Variants in MCF2L observed in about 807,000 individuals in gnomAD.
MCF2L encodes the protein guanine nucleotide exchange factor DBS.
In MCF2L, 97 loss-of-function variants were observed where a neutral mutation model predicts 153.4. The ratio of observed to expected loss-of-function variants is 0.63; its 90% CI spans 0.54 to 0.75. MCF2L has a LOEUF of 0.75. MCF2L is among the 30% of genes least tolerant of loss of function. MCF2L has a pLI of 0.00. For missense variants in MCF2L, 1,347 were observed against 1,495.2 expected, an observed-to-expected ratio of 0.90 and a Z score of 1.64; for synonymous variants, 659 against 632.2, an observed-to-expected ratio of 1.04 and a Z score of -0.64.
At chr13:112,989,450 C>A (rs2082807941) in intron 1 of MCF2L, among the ~76,000 whole-genome samples, 1 of 48,124 alleles carries the variant, frequency 2.1e-5, no homozygotes. Flanking sequence ...CCCGAGTCCT[C>A]CCTGAGCAGG....
chr13:113,034,082 A>C (rs2085978392), intron 3 of MCF2L: 1 of 166,304 alleles, frequency 6.0e-6, no homozygotes, highest in Non-Finnish European at 1.5e-5. Flanking sequence ...TTTAAATGTA[A>C]AATGAAAGCA....
At chr13:113,060,031 C>G (rs542852650) in intron 4 of MCF2L, among the ~76,000 whole-genome samples, 2 of 152,202 alleles carry the variant, frequency 1.3e-5, no homozygotes, top group African/African-American at 4.8e-5. Context: ...CAGGTGTGGC[C>G]GGAGGGGGCT....
At chr13:113,089,937 G>A in intron 26 of MCF2L, 1 of 1,597,814 alleles carries the variant, frequency 6.3e-7, no homozygotes, top group Non-Finnish European at 8.5e-7. Flanking sequence ...GCATCAGCAA[G>A]GCCAGCCCCA....
chr13:112,989,258 G>A (rs202072614), intron 1 of MCF2L, among the ~76,000 whole-genome samples: 13 of 67,016 alleles, frequency 1.9e-4, no homozygotes, highest in South Asian at 5.2e-4. Context: ...TACCACGCCC[G>A]AGTCCTCCCT....
At chr13:113,095,628 T>C (rs114854050) in intron 27 of MCF2L, 2 of 991,724 alleles carry the variant, frequency 2.0e-6, no homozygotes, top group African/African-American at 1.8e-5. Context: ...TGAGAGCAGG[T>C]GGCCCAGTCA....
chr13:112,956,368 A>G (rs2081757502), intron 2 of MCF2L: 1 of 152,256 alleles, frequency 6.6e-6, no homozygotes, highest in African/African-American at 2.4e-5. Flanking sequence ...AAACATCAAG[A>G]AATATGGCCT....
At chr13:112,945,412 T>C (rs1428305074) in intron 2 of MCF2L, among the ~76,000 whole-genome samples, 3 of 152,244 alleles carry the variant, frequency 2.0e-5, no homozygotes, top group African/African-American at 7.2e-5. Context: ...CTGTACTTTC[T>C]GCCCAATTTT....
chr13:112,924,238 C>T (rs541458685), intron 2 of MCF2L, among the ~76,000 whole-genome samples: 3 of 152,192 alleles, frequency 2.0e-5, no homozygotes, highest in East Asian at 3.9e-4. Context: ...CACGATGTGT[C>T]GTCGTTAGAG....
chr13:113,066,151 A>G lies in MCF2L; in HGVS notation c.862A>G (p.Asn288Asp). Residue 288 changes from asparagine to aspartate, a missense_variant, in exon 8 of 30, where the codon AAC becomes GAC. Asn to Asp is a conservative substitution (Grantham distance 23, BLOSUM62 1). This residue lies in a region of MCF2L where 820 missense variants were observed against 921.2 expected (regional missense o/e 0.89). Transcript: ENST00000535094. Reference sequence around the variant, plus strand: ...CAGTGTGAACCAGGACCAGCTTGACAACCAGGCCACCGTGCAGAGGTGAGG... The same window carrying G: ...CAGTGTGAACCAGGACCAGCTTGACGACCAGGCCACCGTGCAGAGGTGAGG... The part of the protein sequence containing the change: ...EPSVNQDQLD[N>D]QATVQRLLAQ... 1 of 1,612,526 alleles carries G rather than the reference A, an allele frequency of 6.2e-7. No homozygotes were observed. The highest frequency in any genetic ancestry group is 1.1e-5 in the South Asian group (1 of 91,012).
In MCF2L at chr13:113,051,188, G is replaced by A. The variant is rs117844040; in HGVS notation, c.369+5827G>A. Among the ~76,000 whole-genome samples, 15 of 152,322 alleles carry A rather than the reference G, an allele frequency of 9.8e-5. No individual in the cohort carries two copies. The East Asian group carries it at 2.9e-3, about 29-fold the overall frequency. The stretch of plus-strand genomic sequence containing the variant: ...CCGCACCAGCTGCTGTGGCAAATGC[G>A]TTTCAGCGCACCCTGCGCGTTCACC... On this transcript the variant is annotated intron_variant, in intron 4 of 29. Transcript: ENST00000535094.
In MCF2L at chr13:113,064,276, A is replaced by G; in HGVS notation, c.490-28A>G. 2 of 1,514,288 alleles carry G rather than the reference A, an allele frequency of 1.3e-6. No homozygotes were observed. Among genetic ancestry groups the G allele is most frequent in the Non-Finnish European group, 1.8e-6 (2 of 1,090,392 alleles). 93.8% of individuals were successfully genotyped at this position (1,514,288 alleles called of 1,614,324 possible). ...TTGGGAGCCAACAATAATCCCAAAC[A>G]CTACCACGCATTCCCTTTCTCCTCC... On this transcript the variant is annotated intron_variant, in intron 5 of 29. Transcript: ENST00000535094. This position sits in a 1 kb window ranked among gnomAD's most constrained non-coding sequence, Gnocchi z 6.0.
rs1388584542 is a variant in MCF2L at position 113,012,390 on chromosome 13, CGG to C, written c.80-2372_80-2371del. Among the ~76,000 whole-genome samples, 14 of 96,558 alleles carry C rather than the reference CGG, an allele frequency of 1.4e-4. 1 individual carries two copies. Among genetic ancestry groups the C allele is most frequent in the African/African-American group, 2.2e-4 (6 of 26,780 alleles). 63.3% of individuals were successfully genotyped at this position (96,558 alleles called of 152,430 possible). A position where few individuals can be genotyped will look rare whatever the true frequency, so the allele number is the denominator to read the frequency against. ...GCGGACGGTGGACAGGCAGTGTGGA[CGG>C]TGGACACTGTGATGCGGACGGTGGA... is the stretch of plus-strand genomic sequence containing the variant. On this transcript the variant is annotated intron_variant, in intron 1 of 29. Coordinates refer to ENST00000535094, the MANE Select transcript of MCF2L (RefSeq NM_001112732.3).
rs2033263676 is a variant in MCF2L, at chr13:113,074,639, A to G, written c.1116+76A>G. ...AAGTGCTGCTCAGGAAGGCGCAGGA[A>G]TGGGCCTCCCGCCTACGGAGAACGG... is the stretch of plus-strand genomic sequence containing the variant. On this transcript the variant is annotated intron_variant, in intron 10 of 29. Coordinates refer to ENST00000535094, the MANE Select transcript of MCF2L (RefSeq NM_001112732.3). The surrounding 1 kb of genome is among the most constrained non-coding windows in gnomAD (Gnocchi z 4.2). The G allele has an allele frequency of 2.5e-6, 4 of 1,581,936 alleles. No homozygotes were observed. Among genetic ancestry groups the G allele is most frequent in the Non-Finnish European group, 3.5e-6 (4 of 1,156,608 alleles).
At chr13:112,999,664 T>G (rs1394166037) in intron 1 of MCF2L, among the ~76,000 whole-genome samples, 7 of 151,742 alleles carry the variant, frequency 4.6e-5, no homozygotes, top group African/African-American at 1.7e-4. Context: ...GGAGAGGGGG[T>G]GTTTGGTACA....
At chr13:113,084,699 G>GC in intron 18 of MCF2L, 193 bp from the exon 19 acceptor site, 1 of 595,798 alleles carries the variant, frequency 1.7e-6, no homozygotes. Context: ...TGGAGGGCAG[G>GC]CCCCCCAGCG....
chr13:113,052,087 G>A (rs2087373636), intron 4 of MCF2L, among the ~76,000 whole-genome samples: 1 of 152,242 alleles, frequency 6.6e-6, no homozygotes, highest in South Asian at 2.1e-4. Context: ...AAACTGGTGA[G>A]TGGGTGAGGT....
chr13:113,084,283 G>C (rs1029434687), intron 18 of MCF2L, among the ~76,000 whole-genome samples: 10 of 92,634 alleles, frequency 1.1e-4, no homozygotes, highest in African/African-American at 2.2e-4. Context: ...CCCAGAAAAC[G>C]TCCTGAACCC....
intron 2 of MCF2L, among the ~76,000 whole-genome samples, chr13:112,908,619 C>T (rs1016924213): frequency 5.3e-5 from 8 of 152,186 alleles, no homozygotes; most frequent in African/African-American, 1.9e-4. Context: ...TGATTAAAGT[C>T]GGATTTCTCC....
Position 112,993,301 on chromosome 13 carries a change from G to A in MCF2L, c.80-21462G>A, listed in dbSNP as rs933355094. Among the ~76,000 whole-genome samples, 3 of 152,242 alleles carry A rather than the reference G, an allele frequency of 2.0e-5. No individual in the cohort carries two copies. The highest frequency in any genetic ancestry group is 7.2e-5 in the African/African-American group (3 of 41,464). ...GCACACAACATGGTGGGTGTTCCTG[G>A]GCAGAGGCTTGGTGGGCAGTAGGGG... On this transcript the variant is annotated intron_variant, in intron 1 of 29. Coordinates refer to ENST00000535094, the MANE Select transcript of MCF2L (RefSeq NM_001112732.3). The surrounding 1 kb of genome is among the most constrained non-coding windows in gnomAD (Gnocchi z 4.6).
Sources: gnomAD v4.1 joint callset for allele counts (sites outside exome capture counted in the v4.1 genomes callset) on GRCh38, gnomAD v4.1.1 for gene constraint, gnomAD v4.1.1 regional missense constraint, Gnocchi (gnomAD v3.1) non-coding constraint, MANE v1.5 for transcripts, NCBI Gene and HGNC (gene_info 2026-07-23, HGNC 2026-07-21) for gene names.